The following GALNT2 variants were observed in gnomAD, a reference collection of about 807,000 sequenced individuals.
GALNT2 encodes the protein UDP-GalNAc:polypeptide N-acetylgalactosaminyltransferase 2.
GALNT2 carries 31 observed loss-of-function variants against 81.4 expected under a neutral mutation model. The observed-to-expected ratio is 0.38, with a 90% CI of 0.29 to 0.51. The LOEUF is 0.51. Among genes scored for constraint, GALNT2 ranks in the 20% least tolerant of loss-of-function variants. The probability of loss-of-function intolerance (pLI) is 0.87; values close to 1 mark genes in which losing one functional copy is unlikely to be tolerated. For missense variants in GALNT2, 629 were observed against 765.7 expected, an observed-to-expected ratio of 0.82 and a Z score of 2.11; for synonymous variants, 303 against 287.4, an observed-to-expected ratio of 1.05 and a Z score of -0.55.
chr1:230,071,017 A>G (rs1322341630), intron 1 of GALNT2, among the ~76,000 whole-genome samples: 3 of 152,274 alleles, frequency 2.0e-5, no homozygotes, highest in Non-Finnish European at 1.5e-5. Flanking sequence ...GGGAGTAATC[A>G]TTCTTACCTC....
At chr1:230,133,709 C>T (rs1358228055) in intron 1 of GALNT2, among the ~76,000 whole-genome samples, 2 of 152,176 alleles carry the variant, frequency 1.3e-5, no homozygotes, top group African/African-American at 4.8e-5. Flanking sequence ...CCTGTCTTGG[C>T]CTCCTAAAGT....
chr1:230,126,387 A>G (rs1012279665), intron 1 of GALNT2, among the ~76,000 whole-genome samples: 1 of 152,162 alleles, frequency 6.6e-6, no homozygotes, highest in African/African-American at 2.4e-5. Context: ...GGGTGCTCTG[A>G]GAGGGAGGGA....
chr1:230,203,213 C>T lies in GALNT2; in HGVS notation c.297C>T (p.Tyr99=), dbSNP rs776800025. 1.9e-5 allele frequency: 30 copies of T among 1,614,072 alleles called. 1 individual carries two copies. The African/African-American group carries it at 2.0e-4, about 11-fold the overall frequency. ...GTMVRSGQDP[Y]ARNKFNQVES... is the part of the protein sequence containing the mutation. ...TGGTCCGCTCCGGGCAGGACCCTTA[C>T]GCCCGCAACAAGTTCAACCAGGTGG... The change falls in exon 3 of 16, where the codon TAC becomes TAT. Residue 99 remains tyrosine, a synonymous_variant. Transcript: ENST00000366672.
chr1:230,275,527 T>C lies in GALNT2; in HGVS notation c.1560+963T>C, dbSNP rs554439859. Among the ~76,000 whole-genome samples the C allele has an allele frequency of 1.4e-4, 21 of 150,574 alleles. No individual in the cohort carries two copies. The highest frequency in any genetic ancestry group is 1.0e-4 in the Non-Finnish European group (7 of 67,536). On this transcript the variant is annotated intron_variant, in intron 15 of 15. Coordinates refer to ENST00000366672, the MANE Select transcript of GALNT2 (RefSeq NM_004481.5). The surrounding 1 kb of genome is among the most constrained non-coding windows in gnomAD (Gnocchi z 5.5). ...CCACAGATACATACATATATATACA[T>C]GCCACATAGATATACATATATAAAC...
At position 230,249,224 on chromosome 1, in the gene GALNT2, G is replaced by T. The variant is rs1923950; in HGVS notation, c.858G>T (p.Thr286=). The T allele has an allele frequency of 1.2e-6, 2 of 1,613,870 alleles. No individual in the cohort carries two copies. The highest frequency in any genetic ancestry group is 2.7e-5 in the African/African-American group (2 of 74,848). ...TGGTATTCAAGTGGGATTACATGAC[G>T]CCTGAGCAGAGAAGGTCCCGGCAGG... ...WNLVFKWDYM[T]PEQRRSRQGN... The change falls in exon 9 of 16, where the codon ACG becomes ACT. Residue 286 remains threonine (T), a synonymous_variant. Coordinates refer to ENST00000366672, the MANE Select transcript of GALNT2 (RefSeq NM_004481.5).
intron 1 of GALNT2, among the ~76,000 whole-genome samples, chr1:230,137,606 T>C (rs1661592035): frequency 6.6e-6 from 1 of 152,254 alleles, no homozygotes; most frequent in Non-Finnish European, 1.5e-5. Context: ...TTTACTTACA[T>C]TCTCCTGATT....
At chr1:230,228,671 C>T (rs899907527) in intron 3 of GALNT2, among the ~76,000 whole-genome samples, 3 of 151,938 alleles carry the variant, frequency 2.0e-5, no homozygotes, top group African/African-American at 7.3e-5. Flanking sequence ...GCACCCATAC[C>T]ACGCTGCTTT....
intron 1 of GALNT2, among the ~76,000 whole-genome samples, chr1:230,092,944 C>A (rs1558280679): frequency 6.6e-6 from 1 of 152,142 alleles, no homozygotes; most frequent in Non-Finnish European, 1.5e-5. Context: ...CCCATGGAGC[C>A]GGATCCTGGC....
intron 1 of GALNT2, among the ~76,000 whole-genome samples, chr1:230,099,476 C>A (rs1441824146): frequency 6.6e-6 from 1 of 152,184 alleles, no homozygotes; most frequent in Admixed American, 6.5e-5. Flanking sequence ...GACCATACAG[C>A]ACTATAGCTT....
At chr1:230,269,465 C>T (rs1454624480) in intron 14 of GALNT2, among the ~76,000 whole-genome samples, 1 of 152,046 alleles carries the variant, frequency 6.6e-6, no homozygotes, top group African/African-American at 2.4e-5. Flanking sequence ...GGGTTACAGG[C>T]GTGAGCCACC....
At chr1:230,106,539 A>C (rs1276026838) in intron 1 of GALNT2, among the ~76,000 whole-genome samples, 1 of 152,214 alleles carries the variant, frequency 6.6e-6, no homozygotes, top group African/African-American at 2.4e-5. Context: ...GAGACTGTTC[A>C]TTTTATTTTA....
At chr1:230,091,095 C>T (rs1031770705) in intron 1 of GALNT2, among the ~76,000 whole-genome samples, 5 of 149,948 alleles carry the variant, frequency 3.3e-5, no homozygotes, top group Admixed American at 6.7e-5. Context: ...TTTTTTGAGA[C>T]GGAATCTCTG....
At position 230,275,169 on chromosome 1, in the gene GALNT2, C is replaced by A. The variant is rs778468790; in HGVS notation, c.1560+605C>A. 1.7e-4 allele frequency among the ~76,000 whole-genome samples: 26 copies of A among 150,708 alleles called. No homozygotes were observed. Among genetic ancestry groups the A allele is most frequent in the Non-Finnish European group, 2.7e-4 (18 of 67,692 alleles). On this transcript the variant is annotated intron_variant, in intron 15 of 15. Coordinates refer to ENST00000366672, the MANE Select transcript of GALNT2 (RefSeq NM_004481.5). This position sits in a 1 kb window ranked among gnomAD's most constrained non-coding sequence, Gnocchi z 5.5. ...TATATACACACCACATATACATATA[C>A]CTGCCACATATATACATATATAAAC...
chr1:230,263,179 G>GT lies in GALNT2; in HGVS notation c.1313+176dup, dbSNP rs1572152957. The GT allele has an allele frequency of 9.8e-6, 6 of 609,760 alleles. No individual in the cohort carries two copies. In the East Asian group the frequency reaches 1.7e-4, roughly 17 times the overall value. The allele number at this position is 609,760 out of a possible 1,614,324, so 37.8% of individuals were successfully genotyped here. On this transcript the variant is annotated intron_variant, in intron 13 of 15. Coordinates refer to ENST00000366672, the MANE Select transcript of GALNT2 (RefSeq NM_004481.5). ...TGTGGAGCTGAGAATCTGCTCCCAA[G>GT]TTGGCCTGCTGCTGTCTCTGTCCTG...
At chr1:230,180,830 C>T (rs1332891311) in intron 2 of GALNT2, among the ~76,000 whole-genome samples, 3 of 152,070 alleles carry the variant, frequency 2.0e-5, no homozygotes, top group Non-Finnish European at 4.4e-5. Context: ...CATATTTTGT[C>T]AGATTTGTAC....
rs1255589075 is a variant in GALNT2 at position 230,275,999 on chromosome 1, C to CAT, written c.1560+1443_1560+1444dup. On this transcript the variant is annotated intron_variant, in intron 15 of 15. Transcript: ENST00000366672. The surrounding 1 kb of genome is among the most constrained non-coding windows in gnomAD (Gnocchi z 5.5). ...TATATATACGTATATATACATGCCA[C>CAT]ATATATATACGTATATATACATGCC... Among the ~76,000 whole-genome samples the CAT allele has an allele frequency of 1.3e-5, 1 of 74,644 alleles. No homozygotes were observed. Among genetic ancestry groups the CAT allele is most frequent in the Admixed American group, 1.1e-4 (1 of 8,898 alleles). The allele number at this position is 74,644 out of a possible 152,430, so 49.0% of individuals were successfully genotyped here.
At chr1:230,099,812 T>G (rs2102776403) in intron 1 of GALNT2, among the ~76,000 whole-genome samples, 1 of 152,346 alleles carries the variant, frequency 6.6e-6, no homozygotes, top group South Asian at 2.1e-4. Flanking sequence ...GTGGGCTTGA[T>G]GCCTGTAGGA....
intron 1 of GALNT2, among the ~76,000 whole-genome samples, chr1:230,168,765 A>G (rs565629945): frequency 1.3e-5 from 2 of 152,340 alleles, no homozygotes; most frequent in East Asian, 3.9e-4. Flanking sequence ...TATATATATC[A>G]TACCAAGTTT....
intron 3 of GALNT2, among the ~76,000 whole-genome samples, chr1:230,224,747 A>G (rs76984065): frequency 0.048 from 7,380 of 152,260 alleles, 213 homozygotes; most frequent in Non-Finnish European, 0.065. Context: ...GTGTGTGTGC[A>G]TGTTTTTTGC....
Sources: allele counts gnomAD v4.1 joint callset (sites outside exome capture counted in the v4.1 genomes callset), GRCh38; gene constraint gnomAD v4.1.1; non-coding constraint Gnocchi (gnomAD v3.1); transcripts MANE v1.5; gene names NCBI Gene and HGNC (gene_info 2026-07-23, HGNC 2026-07-21).